Variants in PAX2 observed in about 807,000 individuals in gnomAD.
PAX2 encodes the protein paired box protein Pax-2.
Under a neutral mutation model 41.7 loss-of-function variants are expected in PAX2, and 9 were observed. That is an observed-to-expected ratio of 0.22 (90% CI 0.13 to 0.38). PAX2 has a LOEUF of 0.38. Among genes scored for constraint, PAX2 ranks in the 10% least tolerant of loss-of-function variants. The pLI, the probability that PAX2 is intolerant of heterozygous loss-of-function variation, is 1.00. For synonymous variants in PAX2, 221 were observed against 212.7 expected (o/e 1.04, Z -0.34); for missense variants, 418 against 531.6 (o/e 0.79, Z 2.10).
Position 100,827,879 on chromosome 10 carries a change from G to C in PAX2, c.*260G>C. 1.9e-6 allele frequency: 1 copy of C among 536,302 alleles called. No individual in the cohort carries two copies. Among genetic ancestry groups the C allele is most frequent in the Non-Finnish European group, 3.3e-6 (1 of 304,568 alleles). The allele number at this position is 536,302 out of a possible 1,614,324, so 33.2% of individuals were successfully genotyped here. A position where few individuals can be genotyped will look rare whatever the true frequency, so the allele number is the denominator to read the frequency against. ...CCCCGCCTGCCGCCCCTCCCCGCCT[G>C]CCTGGACTGCGCGGCGCCGTGAGGG... On this transcript the variant is annotated 3_prime_UTR_variant, in exon 10 of 10. Transcript: ENST00000355243. The surrounding 1 kb of genome is among the most constrained non-coding windows in gnomAD (Gnocchi z 8.5).
intron 5 of PAX2, among the ~76,000 whole-genome samples, chr10:100,781,606 A>G (rs1308478640): frequency 2.0e-5 from 3 of 152,200 alleles, no homozygotes; most frequent in Admixed American, 6.5e-5. Flanking sequence ...GGCTCACCCT[A>G]TCGATCCCTG....
chr10:100,814,323 G>A (rs1163877349), intron 7 of PAX2, among the ~76,000 whole-genome samples: 2 of 127,532 alleles, frequency 1.6e-5, no homozygotes, highest in Admixed American at 1.0e-4. Context: ...CTGCACTCTA[G>A]CCTGGGCGAC....
intron 1 of PAX2, among the ~76,000 whole-genome samples, chr10:100,740,088 T>C (rs978778493): frequency 1.3e-5 from 2 of 152,224 alleles, no homozygotes; most frequent in African/African-American, 4.8e-5. Flanking sequence ...TCCTGTCCGC[T>C]CTGGCTTTGA....
Position 100,748,786 on chromosome 10 carries a change from G to A in PAX2, c.44-960G>A, listed in dbSNP as rs527284963. The stretch of plus-strand genomic sequence containing the variant: ...AAAGCCCGAGCCGCTCGGTTTCCTG[G>A]GGGGGCTGCCGAGGTCTGAGGGGTC... On this transcript the variant is annotated intron_variant, in intron 1 of 9. Coordinates refer to ENST00000355243, the MANE Select transcript of PAX2 (RefSeq NM_000278.5). This position sits in a 1 kb window ranked among gnomAD's most constrained non-coding sequence, Gnocchi z 5.0. 9 of 983,804 alleles carry A rather than the reference G, an allele frequency of 9.1e-6. No homozygotes were observed. The African/African-American group carries it at 1.4e-4, about 15-fold the overall frequency. The allele number at this position is 983,804 out of a possible 1,614,324, so 60.9% of individuals were successfully genotyped here.
intron 3 of PAX2, among the ~76,000 whole-genome samples, chr10:100,751,432 C>T (rs902493037): frequency 5.9e-5 from 9 of 152,194 alleles, no homozygotes; most frequent in Admixed American, 4.6e-4. Flanking sequence ...AGAACAAATG[C>T]CAACCACCAG....
intron 5 of PAX2, chr10:100,786,985 G>A: frequency 1.4e-6 from 2 of 1,390,122 alleles, no homozygotes; most frequent in Non-Finnish European, 1.9e-6. Context: ...GGAGGTGGAG[G>A]TTTGCATCTG....
At chr10:100,794,345 A>G (rs1326977128) in intron 5 of PAX2, among the ~76,000 whole-genome samples, 2 of 152,216 alleles carry the variant, frequency 1.3e-5, no homozygotes, top group African/African-American at 4.8e-5. Flanking sequence ...TCATTACATA[A>G]TATCTCTGAA....
rs1330643233 is a variant in PAX2, at chr10:100,748,424, AC to A, written c.44-1316del. 5.1e-6 allele frequency: 5 copies of A among 984,594 alleles called. No homozygotes were observed. The highest frequency in any genetic ancestry group is 6.0e-6 in the Non-Finnish European group (5 of 829,728). The allele number at this position is 984,594 out of a possible 1,614,324, so 61.0% of individuals were successfully genotyped here. On this transcript the variant is annotated intron_variant, in intron 1 of 9. Coordinates refer to ENST00000355243, the MANE Select transcript of PAX2 (RefSeq NM_000278.5). The surrounding 1 kb of genome is among the most constrained non-coding windows in gnomAD (Gnocchi z 5.0). ...GGGTTTCACCGAGCTTGCTCTAGGT[AC>A]CCCCCGAGAAAGGGAGGGGAGAGAA...
At chr10:100,816,854 C>T (rs1230215985) in intron 7 of PAX2, among the ~76,000 whole-genome samples, 1 of 152,168 alleles carries the variant, frequency 6.6e-6, no homozygotes, top group African/African-American at 2.4e-5. Context: ...GGAAATCCTG[C>T]AGGGCTCGGA....
intron 5 of PAX2, among the ~76,000 whole-genome samples, chr10:100,782,338 T>C (rs1291344366): frequency 1.3e-5 from 2 of 152,262 alleles, no homozygotes; most frequent in African/African-American, 2.4e-5. Flanking sequence ...CTGTTGTCTC[T>C]GCATCTTGGC....
At chr10:100,768,260 AG>A (rs1846090605) in intron 3 of PAX2, among the ~76,000 whole-genome samples, 1 of 152,198 alleles carries the variant, frequency 6.6e-6, no homozygotes, top group Non-Finnish European at 1.5e-5. Flanking sequence ...AATGCATTGG[AG>A]CAGACCTGAA....
At chr10:100,816,947 T>A (rs117521202) in intron 7 of PAX2, among the ~76,000 whole-genome samples, 1 of 152,146 alleles carries the variant, frequency 6.6e-6, no homozygotes, top group Non-Finnish European at 1.5e-5. Context: ...TGAAAAACAC[T>A]GCGCTTTTGG....
intron 3 of PAX2, among the ~76,000 whole-genome samples, chr10:100,761,106 A>G (rs1454880030): frequency 6.6e-6 from 1 of 152,010 alleles, no homozygotes; most frequent in Non-Finnish European, 1.5e-5. Flanking sequence ...GAGAAGTGGG[A>G]GCCAGATGTG....
chr10:100,811,394 C>T (rs1847985512), intron 7 of PAX2, among the ~76,000 whole-genome samples: 1 of 152,252 alleles, frequency 6.6e-6, no homozygotes, highest in Non-Finnish European at 1.5e-5. Context: ...GCTAGAGGTA[C>T]TGTCAAGGTG....
At chr10:100,738,996 G>T (rs1425038796) in intron 1 of PAX2, among the ~76,000 whole-genome samples, 2 of 133,742 alleles carry the variant, frequency 1.5e-5, no homozygotes, top group Non-Finnish European at 3.2e-5. Flanking sequence ...GGCCTAATCC[G>T]TCGCGCGCGC....
chr10:100,767,352 T>C (rs2133870335), intron 3 of PAX2, among the ~76,000 whole-genome samples: 1 of 152,328 alleles, frequency 6.6e-6, no homozygotes, highest in Middle Eastern at 3.4e-3. Context: ...TCACCTCTAA[T>C]AAGGCCTCTG....
At chr10:100,753,732 G>A (rs1384018436) in intron 3 of PAX2, among the ~76,000 whole-genome samples, 8 of 152,180 alleles carry the variant, frequency 5.3e-5, no homozygotes, top group African/African-American at 1.2e-4. Context: ...AGATGCTGTC[G>A]CCACACTTGA....
chr10:100,755,332 C>G (rs923840573), intron 3 of PAX2, among the ~76,000 whole-genome samples: 1 of 152,190 alleles, frequency 6.6e-6, no homozygotes, highest in Non-Finnish European at 1.5e-5. Flanking sequence ...GCTGCTTGCC[C>G]TGCCTTCCTA....
intron 5 of PAX2, among the ~76,000 whole-genome samples, chr10:100,799,045 G>A (rs1033957750): frequency 6.6e-6 from 1 of 152,272 alleles, no homozygotes; most frequent in African/African-American, 2.4e-5. Context: ...TGGCAGCTGG[G>A]AAGACTGGGG....
Sources: allele counts gnomAD v4.1 joint callset (sites outside exome capture counted in the v4.1 genomes callset), GRCh38; gene constraint gnomAD v4.1.1; non-coding constraint Gnocchi (gnomAD v3.1); transcripts MANE v1.5; gene names NCBI Gene and HGNC (gene_info 2026-07-23, HGNC 2026-07-21).